Variants in AGFG1 observed in about 807,000 individuals in gnomAD.
The protein encoded by AGFG1 is ArfGAP with FG repeats 1, also known as arf-GAP domain and FG repeat-containing protein 1.
AGFG1 carries 10 observed loss-of-function variants against 60.6 expected under a neutral mutation model. That is an observed-to-expected ratio of 0.16 (90% CI 0.10 to 0.28). The LOEUF is 0.28. AGFG1 is among the 10% of genes least tolerant of loss of function. The probability of loss-of-function intolerance (pLI) is 1.00; values close to 1 mark genes in which losing one functional copy is unlikely to be tolerated. For synonymous variants in AGFG1, 247 were observed against 242.9 expected, an observed-to-expected ratio of 1.02 and a Z score of -0.16; for missense variants, 537 against 676.5, an observed-to-expected ratio of 0.79 and a Z score of 2.29.
intron 2 of AGFG1, among the ~76,000 whole-genome samples, chr2:227,510,082 A>G (rs1691450417): frequency 1.3e-5 from 2 of 152,172 alleles, no homozygotes; most frequent in African/African-American, 4.8e-5. Context: ...TGACTTCACT[A>G]ATAATAAGTC....
At chr2:227,543,592 G>A (rs1276842121) in intron 10 of AGFG1, among the ~76,000 whole-genome samples, 1 of 152,162 alleles carries the variant, frequency 6.6e-6, no homozygotes, top group Non-Finnish European at 1.5e-5. Context: ...GTCAATTTTG[G>A]AATAAGTGAG....
intron 2 of AGFG1, among the ~76,000 whole-genome samples, chr2:227,515,445 C>T (rs1310952983): frequency 6.6e-6 from 1 of 152,188 alleles, no homozygotes; most frequent in Non-Finnish European, 1.5e-5. Flanking sequence ...CTGGCTTACT[C>T]TAATACTGGA....
chr2:227,491,461 G>T, intron 1 of AGFG1, 86 bp from the exon 2 acceptor site: 1 of 798,982 alleles, frequency 1.3e-6, no homozygotes, highest in South Asian at 2.0e-5. Flanking sequence ...TTTGTGTGTT[G>T]GTTAGAAATA....
At chr2:227,526,603 C>T (rs1268436136) in intron 5 of AGFG1, among the ~76,000 whole-genome samples, 4 of 141,308 alleles carry the variant, frequency 2.8e-5, no homozygotes, top group African/African-American at 1.1e-4. Context: ...TGTGCAGTGG[C>T]ACAATCTTGG....
intron 1 of AGFG1, among the ~76,000 whole-genome samples, chr2:227,480,296 T>C (rs1243833271): frequency 6.6e-6 from 1 of 152,152 alleles, no homozygotes; most frequent in Non-Finnish European, 1.5e-5. Flanking sequence ...GCAACACCAG[T>C]GTTTGTAAGT....
Position 227,553,639 on chromosome 2 carries a change from G to A in AGFG1, c.1538-65G>A, listed in dbSNP as rs1041450057. On this transcript the variant is annotated intron_variant, in intron 11 of 12. Coordinates refer to ENST00000310078, the MANE Select transcript of AGFG1 (RefSeq NM_004504.5). Reference sequence around the variant, plus strand: ...GAATGTCTCTGAAAGTTATTATGAGGCTTTATAAGCATCAGATTGTCTCTT... The same window carrying A: ...GAATGTCTCTGAAAGTTATTATGAGACTTTATAAGCATCAGATTGTCTCTT... 1.4e-5 allele frequency: 19 copies of A among 1,318,156 alleles called. No homozygotes were observed. In the African/African-American group the frequency reaches 2.3e-4, roughly 16 times the overall value. 81.7% of individuals were successfully genotyped at this position (1,318,156 alleles called of 1,614,324 possible).
chr2:227,539,782 T>C (rs546788466), intron 10 of AGFG1, among the ~76,000 whole-genome samples: 37 of 151,554 alleles, frequency 2.4e-4, no homozygotes, highest in African/African-American at 9.0e-4. Context: ...GGTACCCTTA[T>C]TGCATAATAG....
Position 227,504,467 on chromosome 2 carries a change from A to G in AGFG1, c.261+12827A>G, listed in dbSNP as rs546483429. On this transcript the variant is annotated intron_variant, in intron 2 of 12. Transcript: ENST00000310078. ...CTTGGCCTCCCAGAGTGCTGGGGTTATGGGCTTGAGCCACTGTGCCCAGCC... is the reference window on the plus strand; with the variant it reads ...CTTGGCCTCCCAGAGTGCTGGGGTTGTGGGCTTGAGCCACTGTGCCCAGCC... Among the ~76,000 whole-genome samples the G allele has an allele frequency of 2.0e-5, 3 of 152,316 alleles. No individual in the cohort carries two copies. In the East Asian group the frequency reaches 5.8e-4, roughly 29 times the overall value.
chr2:227,531,207 A>G lies in AGFG1; in HGVS notation c.811A>G (p.Thr271Ala), dbSNP rs1231468881. Residue 271 changes from threonine (T) to alanine (A), a missense_variant, in exon 6 of 13, where the codon ACA becomes GCA. By Grantham distance (58) the Thr-to-Ala change is moderately conservative (BLOSUM62 0). This residue lies in a region of AGFG1 where 287 missense variants were observed against 343.6 expected (regional missense o/e 0.84). Transcript: ENST00000310078. ...TCACTCTCCTTTTCAGCCCCAAACT[A>G]CAGGTAGAGCTTCTCCAGCATTGTG... is the stretch of plus-strand genomic sequence containing the variant. The part of the protein sequence containing the change: ...ASHSPFQPQT[T>A]GGSAASVNAN... 2.5e-6 allele frequency: 4 copies of G among 1,613,336 alleles called. No individual in the cohort carries two copies. The Admixed American group carries it at 5.0e-5, about 20-fold the overall frequency.
intron 2 of AGFG1, among the ~76,000 whole-genome samples, chr2:227,491,859 G>A (rs753805089): frequency 2.0e-5 from 3 of 152,140 alleles, no homozygotes; most frequent in Non-Finnish European, 4.4e-5. Context: ...TGAAATGTGT[G>A]TATTTAAAAG....
intron 11 of AGFG1, among the ~76,000 whole-genome samples, 200 bp downstream of exon 11, chr2:227,552,317 A>C (rs1440179304): frequency 1.3e-5 from 2 of 152,208 alleles, no homozygotes; most frequent in African/African-American, 4.8e-5. Flanking sequence ...GCAGGTTACA[A>C]TTTATGGGAA....
chr2:227,485,683 G>A (rs552448092), intron 1 of AGFG1, among the ~76,000 whole-genome samples: 1 of 134,984 alleles, frequency 7.4e-6, no homozygotes, highest in South Asian at 2.4e-4. Context: ...ATTCTCTCTA[G>A]TTATGTCTAA....
chr2:227,533,201 A>T (rs1267392937), intron 6 of AGFG1, among the ~76,000 whole-genome samples: 1 of 152,190 alleles, frequency 6.6e-6, no homozygotes, highest in Non-Finnish European at 1.5e-5. Flanking sequence ...TCTTGTTTGC[A>T]GTCTGTTCAG....
At chr2:227,532,070 TTTTC>T in intron 6 of AGFG1, 1 of 1,313,126 alleles carries the variant, frequency 7.6e-7, no homozygotes, top group East Asian at 2.6e-5. Flanking sequence ...TCTTAAAGCC[TTTTC>T]TTTCAATTTT....
chr2:227,552,960 A>G (rs773510420), intron 11 of AGFG1, among the ~76,000 whole-genome samples: 12 of 127,942 alleles, frequency 9.4e-5, no homozygotes, highest in Admixed American at 3.0e-4. Flanking sequence ...CGAGATCGCC[A>G]TTGCACTCCA....
At chr2:227,496,390 C>T (rs1469285758) in intron 2 of AGFG1, among the ~76,000 whole-genome samples, 2 of 147,938 alleles carry the variant, frequency 1.4e-5, no homozygotes, top group East Asian at 2.0e-4. Context: ...TGCAGTGAGC[C>T]GAGATTGCGC....
At chr2:227,536,257 T>G (rs1038744443) in intron 8 of AGFG1, among the ~76,000 whole-genome samples, 1 of 148,912 alleles carries the variant, frequency 6.7e-6, no homozygotes, top group Non-Finnish European at 1.5e-5. Context: ...CACCTATGAG[T>G]GAAAACATGC....
chr2:227,475,834 A>C (rs1381698549), intron 1 of AGFG1, among the ~76,000 whole-genome samples: 1 of 152,216 alleles, frequency 6.6e-6, no homozygotes, highest in African/African-American at 2.4e-5. Flanking sequence ...ACCGTATTTG[A>C]GGATAGGGCT....
chr2:227,507,602 C>CTAA (rs1691361096), intron 2 of AGFG1, among the ~76,000 whole-genome samples: 1 of 61,598 alleles, frequency 1.6e-5, no homozygotes, highest in Non-Finnish European at 3.0e-5. Context: ...GACTCTGTCT[C>CTAA]AAAAAAAAAA....
Sources: gnomAD v4.1 joint callset for allele counts (sites outside exome capture counted in the v4.1 genomes callset) on GRCh38, gnomAD v4.1.1 for gene constraint, gnomAD v4.1.1 regional missense constraint, MANE v1.5 for transcripts, NCBI Gene and HGNC (gene_info 2026-07-23, HGNC 2026-07-21) for gene names.